Variants in SLC30A8 observed in about 807,000 individuals in gnomAD.
SLC30A8 encodes the protein solute carrier family 30 member 8, also known as proton-coupled zinc antiporter SLC30A8.
Under a neutral mutation model 36.9 loss-of-function variants are expected in SLC30A8, and 27 were observed. The ratio of observed to expected loss-of-function variants is 0.73; its 90% confidence interval spans 0.54 to 1.01. The LOEUF is 1.01. Among genes scored for constraint, SLC30A8 ranks in the 50% least tolerant of loss-of-function variants. The pLI, the probability that SLC30A8 is intolerant of heterozygous loss-of-function variation, is 0.00. For missense variants in SLC30A8, 439 were observed against 452.0 expected, an observed-to-expected ratio of 0.97 and a Z score of 0.26; for synonymous variants, 164 against 172.4, an observed-to-expected ratio of 0.95 and a Z score of 0.38.
At chr8:117,057,388 A>G (rs1242846884) in intron 2 of SLC30A8, among the ~76,000 whole-genome samples, 1 of 152,166 alleles carries the variant, frequency 6.6e-6, no homozygotes, top group African/African-American at 2.4e-5. Context: ...CTTGGGTCCT[A>G]TCATTACCTA....
Position 117,173,778 on chromosome 8 carries a change from A to G in SLC30A8, c.*1097A>G, listed in dbSNP as rs1041271620. ...CTTCTAAAGATGAGCCATAGTCTAG[A>G]AGATTGTCAACCACAGGAGTTCATT... On this transcript the variant is annotated 3_prime_UTR_variant, in exon 8 of 8. Coordinates refer to ENST00000456015, the MANE Select transcript of SLC30A8 (RefSeq NM_173851.3). 12 of 152,164 alleles carry G rather than the reference A, an allele frequency of 7.9e-5. No homozygotes were observed. The highest frequency in any genetic ancestry group is 2.2e-4 in the African/African-American group (9 of 41,454). The allele number at this position is 152,164 out of a possible 1,614,324, so 9.4% of individuals were successfully genotyped here.
Position 116,976,798 on chromosome 8 carries a change from T to TTTTCTTTC in SLC30A8, c.-266+25699_-266+25706dup, listed in dbSNP as rs142957728. ...GGGGATGCTGAGTTTCCCCTTTTAT[T>TTTTCTTTC]TTTCTTTCTTTCTTTCTTTCTTTCT... On this transcript the variant is annotated intron_variant, in intron 1 of 10. Coordinates refer to the SLC30A8 transcript ENST00000427715. 7.2e-5 allele frequency among the ~76,000 whole-genome samples: 9 copies of TTTTCTTTC among 125,516 alleles called. No individual in the cohort carries two copies. The East Asian group carries it at 1.3e-3, about 19-fold the overall frequency. 82.3% of individuals were successfully genotyped at this position (125,516 alleles called of 152,430 possible).
intron 1 of SLC30A8, among the ~76,000 whole-genome samples, chr8:116,958,960 C>T (rs1188913925): frequency 6.7e-6 from 1 of 149,514 alleles, no homozygotes; most frequent in East Asian, 2.0e-4. Context: ...AGCGAGTCTC[C>T]TGCCTCAGCC....
chr8:117,104,571 C>T (rs1179916146), intron 2 of SLC30A8, among the ~76,000 whole-genome samples: 1 of 152,144 alleles, frequency 6.6e-6, no homozygotes, highest in Admixed American at 6.5e-5. Flanking sequence ...TTACTTCTTT[C>T]TGAGAGCTCA....
At chr8:117,134,064 TCTC>T (rs1481362101), upstream of SLC30A8, among the ~76,000 whole-genome samples, 1 of 151,916 alleles carries the variant, frequency 6.6e-6, no homozygotes, top group Non-Finnish European at 1.5e-5. Context: ...AAAGGTGACT[TCTC>T]CTGTCACTGC....
At chr8:117,096,072 C>A (rs1173823618) in intron 2 of SLC30A8, among the ~76,000 whole-genome samples, 1 of 152,122 alleles carries the variant, frequency 6.6e-6, no homozygotes, top group African/African-American at 2.4e-5. Context: ...CACACCAGCT[C>A]TTGTGGCCGT....
chr8:117,028,833 T>G (rs1297079689), intron 1 of SLC30A8, among the ~76,000 whole-genome samples: 1 of 152,038 alleles, frequency 6.6e-6, no homozygotes, highest in African/African-American at 2.4e-5. Flanking sequence ...AATTGACACC[T>G]TTGTCTAAGG....
chr8:117,030,116 G>A (rs1816992666), intron 1 of SLC30A8, among the ~76,000 whole-genome samples: 1 of 152,196 alleles, frequency 6.6e-6, no homozygotes, highest in East Asian at 1.9e-4. Flanking sequence ...AGCAAATAAA[G>A]AAGTGACCCT....
intron 2 of SLC30A8, among the ~76,000 whole-genome samples, chr8:117,108,238 C>T (rs1324750732): frequency 6.6e-6 from 1 of 152,054 alleles, no homozygotes; most frequent in Non-Finnish European, 1.5e-5. Flanking sequence ...GGAGTTTTGC[C>T]TGCACAAGGA....
At chr8:117,013,816 T>A (rs1255649799) in intron 1 of SLC30A8, among the ~76,000 whole-genome samples, 3 of 152,312 alleles carry the variant, frequency 2.0e-5, no homozygotes, top group African/African-American at 4.8e-5. Flanking sequence ...TTAAAGATTT[T>A]AGTTTTACAT....
chr8:117,122,470 A>C (rs1820730531), intron 2 of SLC30A8, among the ~76,000 whole-genome samples: 2 of 152,030 alleles, frequency 1.3e-5, no homozygotes, highest in Admixed American at 1.3e-4. Flanking sequence ...ACTGGGATTC[A>C]AACCCAGGCC....
At chr8:117,124,852 GATCCAT>G (rs1282479288) in intron 2 of SLC30A8, among the ~76,000 whole-genome samples, 1 of 151,032 alleles carries the variant, frequency 6.6e-6, no homozygotes, top group Non-Finnish European at 1.5e-5. Context: ...TGGATGACGG[GATCCAT>G]ACCCAAAACC....
chr8:117,032,561 A>G (rs966054295), intron 1 of SLC30A8, among the ~76,000 whole-genome samples: 3 of 152,208 alleles, frequency 2.0e-5, no homozygotes, highest in African/African-American at 7.2e-5. Flanking sequence ...CAGCTTCATC[A>G]AAGTTTTTAA....
At chr8:117,028,936 T>C (rs1449698989) in intron 1 of SLC30A8, among the ~76,000 whole-genome samples, 1 of 152,110 alleles carries the variant, frequency 6.6e-6, no homozygotes, top group African/African-American at 2.4e-5. Context: ...TAGTGACATA[T>C]TACTTCTTAA....
intron 2 of SLC30A8, among the ~76,000 whole-genome samples, chr8:117,090,890 A>G (rs139099936): frequency 6.6e-6 from 1 of 152,206 alleles, no homozygotes; most frequent in Non-Finnish European, 1.5e-5. Context: ...GGCAAAACCA[A>G]TGTCTTATTG....
chr8:117,003,780 T>G (rs1268057390), intron 1 of SLC30A8, among the ~76,000 whole-genome samples: 1 of 152,196 alleles, frequency 6.6e-6, no homozygotes, highest in African/African-American at 2.4e-5. Flanking sequence ...CCCTACTAAT[T>G]TATTTACGAT....
intron 1 of SLC30A8, among the ~76,000 whole-genome samples, chr8:116,992,769 A>G (rs1371343493): frequency 6.6e-6 from 1 of 152,206 alleles, no homozygotes; most frequent in Non-Finnish European, 1.5e-5. Context: ...AACTATGGTA[A>G]TGAACATATC....
intron 2 of SLC30A8, among the ~76,000 whole-genome samples, chr8:117,100,419 T>C (rs1448565536): frequency 1.3e-5 from 2 of 152,168 alleles, no homozygotes; most frequent in Non-Finnish European, 2.9e-5. Context: ...ACATAACCAC[T>C]TTTTTCCACA....
At chr8:116,971,221 C>T (rs1228655576) in intron 1 of SLC30A8, among the ~76,000 whole-genome samples, 1 of 152,062 alleles carries the variant, frequency 6.6e-6, no homozygotes, top group East Asian at 1.9e-4. Flanking sequence ...ACGTGTTTAC[C>T]TATGTAGCAA....
Sources: gnomAD v4.1 joint callset for allele counts (sites outside exome capture counted in the v4.1 genomes callset) on GRCh38, gnomAD v4.1.1 for gene constraint, MANE v1.5 for transcripts, NCBI Gene and HGNC (gene_info 2026-07-23, HGNC 2026-07-21) for gene names.